The following SSBP4 variants were observed in gnomAD, a reference collection of about 807,000 sequenced individuals.
The protein encoded by SSBP4 is single stranded DNA binding protein 4.
SSBP4 carries 33 observed loss-of-function variants against 64.6 expected under a neutral mutation model. The ratio of observed to expected loss-of-function variants is 0.51; its 90% CI spans 0.39 to 0.68. The LOEUF (loss-of-function observed/expected upper bound fraction) is 0.68. Ranked by LOEUF, SSBP4 falls within the 30% of genes least tolerant of loss-of-function variation. SSBP4 has a pLI of 0.00. For synonymous variants in SSBP4, 243 were observed against 224.0 expected, an observed-to-expected ratio of 1.08 and a Z score of -0.76; for missense variants, 583 against 566.8, an observed-to-expected ratio of 1.03 and a Z score of -0.29.
Position 18,433,039 on chromosome 19 carries a change from C to G in SSBP4, c.908C>G (p.Ala303Gly), listed in dbSNP as rs1357468320. 3 of 1,613,984 alleles carry G rather than the reference C, an allele frequency of 1.9e-6. No individual in the cohort carries two copies. The highest frequency in any genetic ancestry group is 1.7e-6 in the Non-Finnish European group (2 of 1,180,012). ...MNPIGQGAGR[A>G]NFPLGPGPEG... ...CCCATCGGGCAGGGCGCCGGCAGGG[C>G]TAATGTGAGTGGGGGCTTGCAGGGG... Residue 303 changes from alanine (A) to glycine (G), a missense_variant, in exon 14 of 18, where the codon GCT becomes GGT. Coordinates refer to ENST00000270061, the MANE Select transcript of SSBP4 (RefSeq NM_032627.5).
intron 4 of SSBP4, 55 bp from the exon 5 acceptor site, chr19:18,430,786 T>TA: frequency 6.6e-7 from 1 of 1,511,270 alleles, no homozygotes; most frequent in South Asian, 1.2e-5. Context: ...ACACCCCAGG[T>TA]AGGAAGTGTC....
At chr19:18,434,063 C>A in intron 17 of SSBP4, 154 bp from the exon 18 acceptor site, 1 of 1,299,858 alleles carries the variant, frequency 7.7e-7, no homozygotes, top group South Asian at 2.4e-5. Flanking sequence ...GGCGGCCTTC[C>A]CATGCATCGC....
intron 4 of SSBP4, among the ~76,000 whole-genome samples, chr19:18,429,922 G>A (rs1973206771): frequency 1.3e-5 from 2 of 152,124 alleles, no homozygotes; most frequent in Admixed American, 6.5e-5. Flanking sequence ...TTCTCCAGGA[G>A]CCCTCCTCTA....
At chr19:18,433,101 TG>T in intron 14 of SSBP4, 33 bp from the exon 15 acceptor site, 2 of 1,613,076 alleles carry the variant, frequency 1.2e-6, no homozygotes, top group Non-Finnish European at 1.7e-6. Context: ...GGGGAATGGG[TG>T]GCCCGAGTCC....
chr19:18,422,693 G>A (rs1025810737), intron 1 of SSBP4, among the ~76,000 whole-genome samples: 1 of 152,202 alleles, frequency 6.6e-6, no homozygotes, highest in East Asian at 1.9e-4. Context: ...GACTGGGTGG[G>A]AGCCCGTAGG....
chr19:18,419,531 G>A lies in SSBP4; in HGVS notation c.-118G>A. The A allele has an allele frequency of 2.7e-6, 3 of 1,129,980 alleles. No homozygotes were observed. Among genetic ancestry groups the A allele is most frequent in the Non-Finnish European group, 3.3e-6 (3 of 921,296 alleles). The allele number at this position is 1,129,980 out of a possible 1,614,324, so 70.0% of individuals were successfully genotyped here. On this transcript the variant is annotated 5_prime_UTR_variant, in exon 1 of 18. Transcript: ENST00000270061. ...CCCCCGCGCGGACGATGCCTGCCGT[G>A]CCCGCCTGGGGCTCGGGGCGGTGAG...
upstream of SSBP4, among the ~76,000 whole-genome samples, chr19:18,417,818 T>A (rs964273321): frequency 2.0e-5 from 3 of 151,648 alleles, no homozygotes; most frequent in Non-Finnish European, 2.9e-5. The surrounding 1 kb of genome is among the most constrained non-coding windows in gnomAD (Gnocchi z 5.4). Flanking sequence ...CTTCCCTTCC[T>A]CTCCGCGGGT....
Position 18,434,363 on chromosome 19 carries a change from C to A in SSBP4, c.*117C>A. On this transcript the variant is annotated 3_prime_UTR_variant, in exon 18 of 18. Coordinates refer to ENST00000270061, the MANE Select transcript of SSBP4 (RefSeq NM_032627.5). ...TGGACTCCTGGCCAATCAAGGCTTG[C>A]CCAGCTGGGAGGCCCCACACGAAAG... is the stretch of plus-strand genomic sequence containing the variant. 6.7e-7 allele frequency: 1 copy of A among 1,491,944 alleles called. No individual in the cohort carries two copies. Among genetic ancestry groups the A allele is most frequent in the Non-Finnish European group, 8.9e-7 (1 of 1,123,524 alleles). 92.4% of individuals were successfully genotyped at this position (1,491,944 alleles called of 1,614,324 possible).
the SSBP4 span, among the ~76,000 whole-genome samples, chr19:18,403,724 G>T: frequency 2.0e-5 from 3 of 151,566 alleles, no homozygotes; most frequent in Admixed American, 6.6e-5. Context: ...GGGGTCTTGG[G>T]GTCTGGGGGT....
chr19:18,418,698 G>C (rs1972228909), upstream of SSBP4, among the ~76,000 whole-genome samples: 1 of 152,228 alleles, frequency 6.6e-6, no homozygotes, highest in Non-Finnish European at 1.5e-5. This position sits in a 1 kb window ranked among gnomAD's most constrained non-coding sequence, Gnocchi z 6.7. Flanking sequence ...CTGAGTGTCC[G>C]CAGGCCCTGT....
intron 1 of SSBP4, among the ~76,000 whole-genome samples, chr19:18,422,973 T>C (rs543215874): frequency 1.3e-5 from 2 of 152,318 alleles, no homozygotes; most frequent in Admixed American, 1.3e-4. Flanking sequence ...CCTTCCCGGC[T>C]TACACTAGGT....
intron 1 of SSBP4, among the ~76,000 whole-genome samples, chr19:18,421,494 T>A (rs1453502987): frequency 6.6e-6 from 1 of 152,166 alleles, no homozygotes; most frequent in Non-Finnish European, 1.5e-5. Flanking sequence ...GCCCTGGGTG[T>A]CCCTGGGTGT....
chr19:18,424,245 C>T (rs372083325), intron 1 of SSBP4, among the ~76,000 whole-genome samples: 51 of 152,326 alleles, frequency 3.3e-4, no homozygotes, highest in African/African-American at 1.2e-3. Context: ...CCCCATGGTT[C>T]GCCTAATCCT....
rs757966805 is a variant in SSBP4, at chr19:18,430,830, C to A, written c.280-11C>A. ...CTGACCTGGCCCTCTGGGTTTCCCG[C>A]ACCCTTACAGAGTGCTGCAGCCGCC... On this transcript the variant is annotated splice_polypyrimidine_tract_variant and intron_variant, in intron 4 of 17. Transcript: ENST00000270061. 3.1e-6 allele frequency: 5 copies of A among 1,602,910 alleles called. No individual in the cohort carries two copies. Among genetic ancestry groups the A allele is most frequent in the Non-Finnish European group, 4.3e-6 (5 of 1,173,594 alleles).
chr19:18,433,265 C>G, intron 15 of SSBP4, 52 bp downstream of exon 15: 1 of 1,529,772 alleles, frequency 6.5e-7, no homozygotes, highest in Non-Finnish European at 8.8e-7. Context: ...CCCGTGCGCT[C>G]CCTGGCTGCT....
the SSBP4 span, among the ~76,000 whole-genome samples, chr19:18,408,890 G>C: frequency 6.6e-6 from 1 of 151,572 alleles, no homozygotes; most frequent in South Asian, 2.1e-4. Context: ...CTCACTCACT[G>C]CAACCTCCAC....
chr19:18,418,993 G>A (rs1457397527), upstream of SSBP4: 1 of 985,656 alleles, frequency 1.0e-6, no homozygotes, highest in Non-Finnish European at 1.2e-6. The surrounding 1 kb of genome is among the most constrained non-coding windows in gnomAD (Gnocchi z 6.7). Context: ...GCTCTGCGGG[G>A]TGAGACACCC....
chr19:18,407,484 T>C, the SSBP4 span, among the ~76,000 whole-genome samples: 1 of 152,126 alleles, frequency 6.6e-6, no homozygotes, highest in African/African-American at 2.4e-5. Context: ...TGGCGTGATC[T>C]GGGCTCACTG....
intron 4 of SSBP4, among the ~76,000 whole-genome samples, chr19:18,429,643 C>T (rs1308968587): frequency 6.6e-6 from 1 of 151,124 alleles, no homozygotes; most frequent in Non-Finnish European, 1.5e-5. Context: ...CTGCTCCAGG[C>T]CATTGTGTTT....
Sources: gnomAD v4.1 joint callset for allele counts (sites outside exome capture counted in the v4.1 genomes callset) on GRCh38, gnomAD v4.1.1 for gene constraint, Gnocchi (gnomAD v3.1) non-coding constraint, MANE v1.5 for transcripts, NCBI Gene and HGNC (gene_info 2026-07-23, HGNC 2026-07-21) for gene names.